Variants in ITM2B observed in about 807,000 individuals in gnomAD.
ITM2B encodes integral membrane protein 2B, also known as ABri/ADan amyloid peptide.
A neutral mutation model predicts 27.8 loss-of-function variants in ITM2B; 11 were observed. The observed-to-expected ratio is 0.40, with a 90% CI of 0.25 to 0.66. The LOEUF is 0.66. ITM2B is among the 30% of genes least tolerant of loss of function. ITM2B has a pLI of 0.43. For missense variants in ITM2B, 296 were observed against 328.9 expected (o/e 0.90, Z 0.77); for synonymous variants, 114 against 114.3 (o/e 1.00, Z 0.02).
Position 48,258,171 on chromosome 13 carries a change from AT to A in ITM2B, c.500del (p.Ile167ThrfsTer3). 6.2e-7 allele frequency: 1 copy of A among 1,606,270 alleles called. No individual in the cohort carries two copies. The highest frequency in any genetic ancestry group is 8.5e-7 in the Non-Finnish European group (1 of 1,173,060). ...LDLNLDKCYV[I>X]PLNTSIVMPP... is the part of the protein sequence containing the mutation. The stretch of plus-strand genomic sequence containing the variant: ...TCTTAACCTGGATAAGTGCTATGTG[AT>A]CCCTCTGAACACTTCCATTGTTATG... On this transcript the variant is annotated frameshift_variant, in exon 4 of 6. Transcript: ENST00000647800. LOFTEE classifies it high-confidence loss of function.
chr13:48,253,786 A>G, intron 1 of ITM2B, 22 bp from the exon 2 acceptor site: 2 of 1,611,164 alleles, frequency 1.2e-6, no homozygotes, highest in Non-Finnish European at 1.7e-6. Context: ...TAAGATATTT[A>G]ACTGTCTTTT....
chr13:48,243,601 GGA>G (rs1951711014), intron 1 of ITM2B, among the ~76,000 whole-genome samples: 2 of 152,068 alleles, frequency 1.3e-5, no homozygotes, highest in Non-Finnish European at 2.9e-5. Context: ...GGCTGAGGCA[GGA>G]GAATTGCTTA....
intron 1 of ITM2B, among the ~76,000 whole-genome samples, chr13:48,250,408 A>G (rs1040594312): frequency 6.6e-5 from 10 of 152,156 alleles, no homozygotes; most frequent in Non-Finnish European, 1.0e-4. Context: ...TCACGAGGTC[A>G]GGAGATTGAG....
At chr13:48,254,483 G>C (rs1298322725) in intron 2 of ITM2B, among the ~76,000 whole-genome samples, 1 of 152,118 alleles carries the variant, frequency 6.6e-6, no homozygotes, top group Non-Finnish European at 1.5e-5. Context: ...GTGTTTAATA[G>C]TAATCCCAGT....
intron 1 of ITM2B, among the ~76,000 whole-genome samples, chr13:48,239,278 C>T (rs904554304): frequency 6.6e-6 from 1 of 152,160 alleles, no homozygotes; most frequent in Non-Finnish European, 1.5e-5. Context: ...AATTCAGTGT[C>T]TCCTGGGCTG....
At chr13:48,255,922 A>G (rs1244330360) in intron 2 of ITM2B, among the ~76,000 whole-genome samples, 1 of 152,112 alleles carries the variant, frequency 6.6e-6, no homozygotes, top group African/African-American at 2.4e-5. Context: ...AATTATTTTT[A>G]TGTTCTATTT....
At chr13:48,237,027 C>A (rs1338502206) in intron 1 of ITM2B, among the ~76,000 whole-genome samples, 2 of 152,120 alleles carry the variant, frequency 1.3e-5, no homozygotes, top group Non-Finnish European at 1.5e-5. Context: ...CTGTTTAGAC[C>A]CTGGTTCTTT....
At chr13:48,256,417 C>G (rs1353951734) in intron 3 of ITM2B, 34 bp downstream of exon 3, 1 of 1,448,186 alleles carries the variant, frequency 6.9e-7, no homozygotes, top group Non-Finnish European at 9.7e-7. Context: ...AGAAAGAATG[C>G]AGGTTCTGTA....
At chr13:48,253,466 C>A (rs550387511) in intron 1 of ITM2B, among the ~76,000 whole-genome samples, 2 of 152,140 alleles carry the variant, frequency 1.3e-5, no homozygotes, top group East Asian at 1.9e-4. Flanking sequence ...TGTAGCATAA[C>A]CTCTTCTAAA....
chr13:48,268,644 A>AT lies in ITM2B; in HGVS notation c.*7427dup, dbSNP rs1485332844. The AT allele has an allele frequency of 1.3e-5, 2 of 151,866 alleles. No individual in the cohort carries two copies. Among genetic ancestry groups the AT allele is most frequent in the African/African-American group, 2.4e-5 (1 of 41,390 alleles). The allele number at this position is 151,866 out of a possible 1,614,324, so 9.4% of individuals were successfully genotyped here. A position where few individuals can be genotyped will look rare whatever the true frequency, so the allele number is the denominator to read the frequency against. ...TTTTTTGTGTATACCACAATTTATCATTTTTTTCTGTGTAGGTATTTTCAT... is the reference window on the plus strand; with the variant it reads ...TTTTTTGTGTATACCACAATTTATCATTTTTTTTCTGTGTAGGTATTTTCAT... On this transcript the variant is annotated 3_prime_UTR_variant, in exon 6 of 6. Coordinates refer to ENST00000647800, the MANE Select transcript of ITM2B (RefSeq NM_021999.5).
intron 1 of ITM2B, among the ~76,000 whole-genome samples, chr13:48,234,674 A>C (rs1054268436): frequency 1.3e-5 from 2 of 152,230 alleles, no homozygotes; most frequent in Non-Finnish European, 2.9e-5. Context: ...ATCTATCTTC[A>C]GAATATAATG....
At position 48,265,607 on chromosome 13, in the gene ITM2B, C is replaced by T. The variant is rs1015076366; in HGVS notation, c.*4383C>T. 2 of 152,554 alleles carry T rather than the reference C, an allele frequency of 1.3e-5. No individual in the cohort carries two copies. The highest frequency in any genetic ancestry group is 3.8e-4 in the East Asian group (2 of 5,202). The allele number at this position is 152,554 out of a possible 1,614,324, so 9.5% of individuals were successfully genotyped here. ...ATAAAGACCAAAATACTTAATGCTGCACAGTCCAGTCCCAACCCACTCTCC... is the reference window on the plus strand; with the variant it reads ...ATAAAGACCAAAATACTTAATGCTGTACAGTCCAGTCCCAACCCACTCTCC... On this transcript the variant is annotated 3_prime_UTR_variant, in exon 6 of 6. Coordinates refer to ENST00000647800, the MANE Select transcript of ITM2B (RefSeq NM_021999.5).
intron 1 of ITM2B, among the ~76,000 whole-genome samples, chr13:48,240,542 A>G (rs1380695622): frequency 1.3e-5 from 2 of 152,164 alleles, no homozygotes; most frequent in African/African-American, 4.8e-5. Context: ...CCTGCCTCAC[A>G]TGTCAGTAAC....
intron 1 of ITM2B, among the ~76,000 whole-genome samples, chr13:48,250,475 G>A (rs543918043): frequency 6.6e-6 from 1 of 152,018 alleles, no homozygotes; most frequent in African/African-American, 2.4e-5. Context: ...AAAATTAGCC[G>A]GGTGTGGTGG....
chr13:48,243,947 T>C (rs1211119790), intron 1 of ITM2B, among the ~76,000 whole-genome samples: 4 of 152,208 alleles, frequency 2.6e-5, no homozygotes, highest in Non-Finnish European at 5.9e-5. Context: ...CCAGAGTTAA[T>C]TTGCCTAAGC....
chr13:48,239,875 G>A (rs1256336699), intron 1 of ITM2B, among the ~76,000 whole-genome samples: 1 of 152,080 alleles, frequency 6.6e-6, no homozygotes, highest in African/African-American at 2.4e-5. Flanking sequence ...TAGCCCATGG[G>A]GTAAGAATGA....
At chr13:48,248,848 A>G (rs570270607) in intron 1 of ITM2B, among the ~76,000 whole-genome samples, 2 of 152,336 alleles carry the variant, frequency 1.3e-5, no homozygotes, top group Non-Finnish European at 2.9e-5. Flanking sequence ...AGATACTGCC[A>G]AATTGTTCTC....
In ITM2B at chr13:48,256,208, A is replaced by G. The variant is rs1197319218; in HGVS notation, c.278A>G (p.Tyr93Cys). 6.2e-7 allele frequency: 1 copy of G among 1,613,430 alleles called. No homozygotes were observed. The highest frequency in any genetic ancestry group is 8.5e-7 in the Non-Finnish European group (1 of 1,179,530). The change falls in exon 3 of 6, where the codon TAC becomes TGC. Residue 93 changes from tyrosine to cysteine, a missense_variant. Physicochemically the swap from Tyr to Cys is radical, Grantham distance 194. Coordinates refer to ENST00000647800, the MANE Select transcript of ITM2B (RefSeq NM_021999.5). ...PDDVYYCGIK[Y>C]IKDDVILNEP... ...GACGTGTACTACTGTGGAATAAAGTACATCAAAGATGATGTCATCTTAAAT... is the reference window on the plus strand; with the variant it reads ...GACGTGTACTACTGTGGAATAAAGTGCATCAAAGATGATGTCATCTTAAAT...
rs755741361 is a variant in ITM2B, at chr13:48,256,229, T to G, written c.299T>G (p.Leu100Ter). The change falls in exon 3 of 6, where the codon TTA becomes TGA. Residue 100 changes from leucine to a stop codon, truncating the protein, a stop_gained. Transcript: ENST00000647800. LOFTEE classifies it high-confidence loss of function. Reference protein sequence around the residue: ...GIKYIKDDVILNEPSADAPAA... With the variant: ...GIKYIKDDVI ...AAGTACATCAAAGATGATGTCATCT[T>G]AAATGAGCCCTCTGCAGATGCCCCA... 6.2e-7 allele frequency: 1 copy of G among 1,613,884 alleles called. No individual in the cohort carries two copies. Among genetic ancestry groups the G allele is most frequent in the Non-Finnish European group, 8.5e-7 (1 of 1,179,802 alleles).
Sources: gnomAD v4.1 joint callset for allele counts (sites outside exome capture counted in the v4.1 genomes callset) on GRCh38, gnomAD v4.1.1 for gene constraint, MANE v1.5 for transcripts, NCBI Gene and HGNC (gene_info 2026-07-23, HGNC 2026-07-21) for gene names.